Variants in OPCML observed in about 807,000 individuals in gnomAD.
The protein encoded by OPCML is opioid binding protein/cell adhesion molecule like, also known as opioid-binding protein/cell adhesion molecule.
In OPCML, 13 loss-of-function variants were observed where a neutral mutation model predicts 37.8. The ratio of observed to expected loss-of-function variants is 0.34; its 90% CI spans 0.22 to 0.55. The LOEUF (loss-of-function observed/expected upper bound fraction) is 0.55, where lower values mean the gene tolerates loss of function less well. OPCML is among the 20% of genes least tolerant of loss of function. The probability of loss-of-function intolerance (pLI) is 0.91; values close to 1 mark genes in which losing one functional copy is unlikely to be tolerated. For synonymous variants in OPCML, 176 were observed against 168.8 expected, an observed-to-expected ratio of 1.04 and a Z score of -0.33; for missense variants, 341 against 435.6, an observed-to-expected ratio of 0.78 and a Z score of 1.93.
intron 1 of OPCML, among the ~76,000 whole-genome samples, chr11:133,247,540 T>TTTTCTTTCTCTTTCTTTCTTTCTTTC (rs1940972611): frequency 8.2e-6 from 1 of 122,408 alleles, no homozygotes; most frequent in African/African-American, 3.3e-5. Context: ...CTTTCCTTCT[T>TTTTCTTTCTCTTTCTTTCTTTCTTTC]TTTCTTTCTT....
At chr11:132,761,229 C>CTTT (rs71067393) in intron 2 of OPCML, among the ~76,000 whole-genome samples, 32 of 122,664 alleles carry the variant, frequency 2.6e-4, no homozygotes, top group Admixed American at 1.1e-3. Flanking sequence ...CTGCGCTTAA[C>CTTT]TTTTTTTTTT....
chr11:132,951,152 T>C (rs1945850081), intron 1 of OPCML, among the ~76,000 whole-genome samples: 1 of 152,192 alleles, frequency 6.6e-6, no homozygotes, highest in African/African-American at 2.4e-5. Flanking sequence ...ATCTTACAGC[T>C]GCCACCTCTG....
chr11:132,478,100 A>G (rs1592235056), intron 4 of OPCML, among the ~76,000 whole-genome samples: 1 of 152,230 alleles, frequency 6.6e-6, no homozygotes, highest in East Asian at 1.9e-4. Context: ...ATGTAAAGTA[A>G]AAGATTAACT....
At chr11:132,529,281 T>C in intron 3 of OPCML, 95 bp from the exon 4 acceptor site, 1 of 1,429,350 alleles carries the variant, frequency 7.0e-7, no homozygotes, top group Non-Finnish European at 9.3e-7. Context: ...CATGTTTTTA[T>C]AATAAATATT....
At chr11:132,590,312 G>T (rs2096482297) in intron 3 of OPCML, among the ~76,000 whole-genome samples, 1 of 152,024 alleles carries the variant, frequency 6.6e-6, no homozygotes, top group Admixed American at 6.6e-5. Context: ...ATGAATGGAA[G>T]GATGAACAAA....
At chr11:132,534,635 G>T (rs368598459) in intron 3 of OPCML, among the ~76,000 whole-genome samples, 1 of 152,162 alleles carries the variant, frequency 6.6e-6, no homozygotes, top group Non-Finnish European at 1.5e-5. Context: ...ACGGAAGTGA[G>T]AGGCCAGGGA....
chr11:132,845,756 ACTCT>A (rs1182500575), intron 2 of OPCML, among the ~76,000 whole-genome samples: 1 of 151,800 alleles, frequency 6.6e-6, no homozygotes, highest in East Asian at 1.9e-4. Context: ...TTGAAAGCTT[ACTCT>A]CTCTGTCTTT....
At chr11:133,357,054 G>C (rs1212369980) in intron 1 of OPCML, among the ~76,000 whole-genome samples, 1 of 152,152 alleles carries the variant, frequency 6.6e-6, no homozygotes, top group African/African-American at 2.4e-5. Context: ...TCATTCAACC[G>C]TTTGCTCTAG....
rs902279254 is a variant in OPCML at position 133,138,025 on chromosome 11, T to A, written c.62-195015A>T. 5.3e-5 allele frequency among the ~76,000 whole-genome samples: 8 copies of A among 152,294 alleles called. No individual in the cohort carries two copies. In the East Asian group the frequency reaches 1.5e-3, roughly 29 times the overall value. ...TCAGGTTAAAATTTGATTCCCAATG[T>A]GGCAGTGTTGGAAAGTGGGGCCCGG... On this transcript the variant is annotated intron_variant, in intron 1 of 7. Transcript: ENST00000524381.
At position 133,418,348 on chromosome 11, in the gene OPCML, T is replaced by A. The variant is rs772482909; in HGVS notation, c.61+113916A>T. On this transcript the variant is annotated intron_variant, in intron 1 of 7. Transcript: ENST00000524381. ...TAGATTTGATGATGTCTGCATTCAA[T>A]AGGGGTAAAAAAATTCAAGAACTAT... 6.9e-4 allele frequency: 680 copies of A among 985,236 alleles called. 1 individual carries two copies. Among genetic ancestry groups the A allele is most frequent in the Non-Finnish European group, 7.5e-4 (624 of 829,910 alleles). The allele number at this position is 985,236 out of a possible 1,614,324, so 61.0% of individuals were successfully genotyped here. A position where few individuals can be genotyped will look rare whatever the true frequency, so the allele number is the denominator to read the frequency against.
At chr11:132,693,869 G>T (rs557406440) in intron 2 of OPCML, among the ~76,000 whole-genome samples, 53 of 152,172 alleles carry the variant, frequency 3.5e-4, no homozygotes, top group African/African-American at 1.2e-3. Flanking sequence ...GACACATCTG[G>T]ACACGAGTCT....
intron 1 of OPCML, among the ~76,000 whole-genome samples, chr11:133,216,647 C>A (rs1939596695): frequency 6.6e-6 from 1 of 151,960 alleles, no homozygotes. Context: ...GAAATTAAGG[C>A]TCAATTAAAT....
intron 1 of OPCML, among the ~76,000 whole-genome samples, chr11:133,018,024 C>T (rs1000722120): frequency 1.3e-5 from 2 of 152,174 alleles, no homozygotes; most frequent in Admixed American, 1.3e-4. Flanking sequence ...TTGATACCTG[C>T]AGCCACTGCG....
intron 1 of OPCML, among the ~76,000 whole-genome samples, chr11:133,479,940 G>A (rs1947337649): frequency 6.6e-6 from 1 of 152,178 alleles, no homozygotes; most frequent in Admixed American, 6.5e-5. Context: ...CCTGCTTTCT[G>A]AGCACCACCC....
chr11:132,691,340 C>T (rs1052841706), intron 2 of OPCML, among the ~76,000 whole-genome samples: 1 of 152,200 alleles, frequency 6.6e-6, no homozygotes, highest in South Asian at 2.1e-4. Context: ...CTCCTGACAG[C>T]TCTCTGAACT....
intron 7 of OPCML, among the ~76,000 whole-genome samples, chr11:132,423,122 G>A (rs143941208): frequency 6.6e-6 from 1 of 152,130 alleles, no homozygotes; most frequent in African/African-American, 2.4e-5. Context: ...CCGTCAACAC[G>A]TGCCTTTTGC....
At chr11:132,786,549 C>CA (rs1279879060) in intron 2 of OPCML, among the ~76,000 whole-genome samples, 2 of 152,252 alleles carry the variant, frequency 1.3e-5, no homozygotes, top group East Asian at 3.9e-4. Flanking sequence ...GAGATAATAA[C>CA]ATTTACTTTT....
intron 3 of OPCML, among the ~76,000 whole-genome samples, chr11:132,623,897 G>A (rs762421421): frequency 2.0e-5 from 3 of 152,162 alleles, no homozygotes; most frequent in Non-Finnish European, 2.9e-5. Context: ...AGAAATTTGG[G>A]GGCTTATACG....
At chr11:133,418,907 T>A (rs1213262181) in intron 1 of OPCML, among the ~76,000 whole-genome samples, 1 of 152,206 alleles carries the variant, frequency 6.6e-6, no homozygotes, top group Non-Finnish European at 1.5e-5. Flanking sequence ...GATGACCAGC[T>A]GACTCCACCT....
Sources: allele counts gnomAD v4.1 joint callset (sites outside exome capture counted in the v4.1 genomes callset), GRCh38; gene constraint gnomAD v4.1.1; transcripts MANE v1.5; gene names NCBI Gene and HGNC (gene_info 2026-07-23, HGNC 2026-07-21).